Variants in TMC1 observed in about 807,000 individuals in gnomAD.
The protein encoded by TMC1 is transmembrane channel like 1.
A neutral mutation model predicts 105.8 loss-of-function variants in TMC1; 84 were observed. The ratio of observed to expected loss-of-function variants is 0.79; its 90% confidence interval spans 0.67 to 0.95. The LOEUF is 0.95. TMC1 is among the 40% of genes least tolerant of loss of function. The probability of loss-of-function intolerance (pLI) is 0.00; values close to 1 mark genes in which losing one functional copy is unlikely to be tolerated. For synonymous variants in TMC1, 315 were observed against 311.5 expected, an observed-to-expected ratio of 1.01 and a Z score of -0.12; for missense variants, 817 against 914.1, an observed-to-expected ratio of 0.89 and a Z score of 1.37.
At chr9:72,769,491 A>G (rs1443140666) in intron 12 of TMC1, among the ~76,000 whole-genome samples, 1 of 152,174 alleles carries the variant, frequency 6.6e-6, no homozygotes, top group Non-Finnish European at 1.5e-5. Flanking sequence ...CTCTCAAGAG[A>G]AGGAAGAGAT....
chr9:72,761,829 C>A (rs1263200786), intron 12 of TMC1, among the ~76,000 whole-genome samples: 1 of 152,198 alleles, frequency 6.6e-6, no homozygotes, highest in Admixed American at 6.5e-5. Context: ...GTTCCTTCAT[C>A]TCTTATTGCA....
intron 8 of TMC1, among the ~76,000 whole-genome samples, chr9:72,729,632 G>A (rs147977985): frequency 8.1e-4 from 124 of 152,152 alleles, no homozygotes; most frequent in African/African-American, 2.3e-3. Flanking sequence ...CTAAATTTAA[G>A]AGTTCTTTAC....
Position 72,694,575 on chromosome 9 carries a change from C to T in TMC1, c.97C>T (p.Pro33Ser). 1 of 1,612,772 alleles carries T rather than the reference C, an allele frequency of 6.2e-7. No homozygotes were observed. The highest frequency in any genetic ancestry group is 8.5e-7 in the Non-Finnish European group (1 of 1,179,310). ...GGAAGAGGAGGTGGAAGATAAGCTA[C>T]CTCGAAGAGAGAGCTTGAGACCAAA... ...EEEEEVEDKL[P>S]RRESLRPKRK... Residue 33 changes from proline to serine, a missense_variant, in exon 7 of 24, where the codon CCT (proline) becomes TCT (serine). Coordinates refer to ENST00000297784, the MANE Select transcript of TMC1 (RefSeq NM_138691.3).
In TMC1 at chr9:72,556,179, C is replaced by T. The variant is rs7041143; in HGVS notation, c.-427-21723C>T. Among the ~76,000 whole-genome samples the T allele has an allele frequency of 8.2e-3, 1,228 of 150,244 alleles. 13 individuals are homozygous for T. The highest frequency in any genetic ancestry group is 0.02 in the African/African-American group (802 of 40,838). ...TTAGCCAGACTGGAGTACAATGGTG[C>T]GATCTCAGCTCACTGCAACCTTCGC... is the stretch of plus-strand genomic sequence containing the variant. On this transcript the variant is annotated intron_variant, in intron 1 of 23. Coordinates refer to ENST00000297784, the MANE Select transcript of TMC1 (RefSeq NM_138691.3).
chr9:72,531,184 A>G (rs926715657), intron 1 of TMC1, among the ~76,000 whole-genome samples: 14 of 152,112 alleles, frequency 9.2e-5, no homozygotes, highest in Non-Finnish European at 1.9e-4. Flanking sequence ...AAACATAGCA[A>G]ACACAGTTGT....
intron 1 of TMC1, among the ~76,000 whole-genome samples, chr9:72,532,326 A>C (rs1823510270): frequency 6.6e-6 from 1 of 151,934 alleles, no homozygotes; most frequent in African/African-American, 2.4e-5. Context: ...AGATCACTTG[A>C]GGTCAGGAGT....
chr9:72,550,304 C>A (rs1172501440), intron 1 of TMC1, among the ~76,000 whole-genome samples: 2 of 151,768 alleles, frequency 1.3e-5, no homozygotes, highest in Non-Finnish European at 2.9e-5. Context: ...CCTGTCTCTA[C>A]TAAAAATACA....
In TMC1 at chr9:72,699,395, T is replaced by A. The variant is rs73650836; in HGVS notation, c.237-1123T>A. 8.4e-3 allele frequency among the ~76,000 whole-genome samples: 1,284 copies of A among 152,326 alleles called. 20 individuals carry two copies. The highest frequency in any genetic ancestry group is 0.03 in the African/African-American group (1,233 of 41,572). ...AGTTTAATTAACAGATAACATTAAG[T>A]TACCTTTGAGAAATAGATTTTTATT... On this transcript the variant is annotated intron_variant, in intron 7 of 23. Transcript: ENST00000297784.
chr9:72,552,413 AG>A (rs1823873127), intron 1 of TMC1, among the ~76,000 whole-genome samples: 1 of 152,102 alleles, frequency 6.6e-6, no homozygotes, highest in Non-Finnish European at 1.5e-5. Flanking sequence ...ACTAAGAGGG[AG>A]GGTGGATAGA....
chr9:72,612,476 A>G (rs1825046995), intron 2 of TMC1, among the ~76,000 whole-genome samples: 1 of 136,778 alleles, frequency 7.3e-6, no homozygotes, highest in African/African-American at 2.9e-5. Context: ...TCCCGGCCCA[A>G]ACATTTTTTT....
intron 17 of TMC1, among the ~76,000 whole-genome samples, chr9:72,800,109 T>G (rs1564563307): frequency 1.3e-5 from 2 of 152,178 alleles, no homozygotes; most frequent in African/African-American, 4.8e-5. Context: ...AAGATAAATT[T>G]GCATTGTTTT....
chr9:72,555,193 GTTTTT>G (rs35020451), intron 1 of TMC1, among the ~76,000 whole-genome samples: 60 of 130,680 alleles, frequency 4.6e-4, no homozygotes, highest in African/African-American at 8.3e-4. Context: ...TTTTGATTCT[GTTTTT>G]TTTTTTTTTT....
chr9:72,833,685 T>C (rs1413179444), intron 23 of TMC1, among the ~76,000 whole-genome samples: 1 of 152,170 alleles, frequency 6.6e-6, no homozygotes, highest in African/African-American at 2.4e-5. Context: ...ACTGATAGTT[T>C]GGGGGTCAAA....
intron 1 of TMC1, among the ~76,000 whole-genome samples, chr9:72,543,377 A>G (rs1397830402): frequency 6.6e-6 from 1 of 152,206 alleles, no homozygotes; most frequent in Admixed American, 6.5e-5. Flanking sequence ...GTCCAGAGCT[A>G]CAACCACTTC....
intron 2 of TMC1, among the ~76,000 whole-genome samples, chr9:72,612,941 G>A (rs1231980876): frequency 1.3e-5 from 2 of 152,108 alleles, no homozygotes; most frequent in Admixed American, 6.5e-5. Flanking sequence ...AGAAATGCTG[G>A]TCTTGAAGAT....
Position 72,683,733 on chromosome 9 carries a change from T to TATATATATATATA in TMC1, c.17-4976_17-4975insATATATATATATA, listed in dbSNP as rs1588029653. 3.7e-3 allele frequency among the ~76,000 whole-genome samples: 195 copies of TATATATATATATA among 53,352 alleles called. 24 individuals carry two copies. The highest frequency in any genetic ancestry group is 6.5e-3 in the East Asian group (9 of 1,388). The allele number at this position is 53,352 out of a possible 152,430, so 35.0% of individuals were successfully genotyped here. ...TCTGAGTTAACCTGAGTTACACATTTTATATATATATATATATATATATAT... is the reference window on the plus strand; with the variant it reads ...TCTGAGTTAACCTGAGTTACACATTTATATATATATATATATATATATATATATATATATATAT... On this transcript the variant is annotated intron_variant, in intron 5 of 23. Transcript: ENST00000297784.
At chr9:72,647,984 A>G (rs1825742318) in intron 4 of TMC1, among the ~76,000 whole-genome samples, 1 of 152,162 alleles carries the variant, frequency 6.6e-6, no homozygotes, top group African/African-American at 2.4e-5. Context: ...AGAAGTTTCA[A>G]TAGAAAGAAA....
intron 2 of TMC1, among the ~76,000 whole-genome samples, chr9:72,609,876 T>C (rs1824994623): frequency 6.6e-6 from 1 of 152,122 alleles, no homozygotes; most frequent in Admixed American, 6.5e-5. Context: ...CTTCAAGCCT[T>C]ACTCATCAAG....
chr9:72,565,838 A>G (rs1319494704), intron 1 of TMC1, among the ~76,000 whole-genome samples: 1 of 152,138 alleles, frequency 6.6e-6, no homozygotes, highest in Non-Finnish European at 1.5e-5. Context: ...TATCACAAGG[A>G]CAGCATGGGA....
Sources: allele counts gnomAD v4.1 joint callset (sites outside exome capture counted in the v4.1 genomes callset), GRCh38; gene constraint gnomAD v4.1.1; transcripts MANE v1.5; gene names NCBI Gene and HGNC (gene_info 2026-07-23, HGNC 2026-07-21).